DLG2: variants seen among roughly 807,000 people sequenced by gnomAD.
The protein encoded by DLG2 is discs large MAGUK scaffold protein 2, also known as disks large homolog 2.
In DLG2, 45 loss-of-function variants were observed where a neutral mutation model predicts 132.5. That is an observed-to-expected ratio of 0.34 (90% CI 0.27 to 0.44). The LOEUF (loss-of-function observed/expected upper bound fraction) is 0.44, where lower values mean the gene tolerates loss of function less well. Among genes scored for constraint, DLG2 ranks in the 20% least tolerant of loss-of-function variants. The probability of loss-of-function intolerance (pLI) is 1.00; values close to 1 mark genes in which losing one functional copy is unlikely to be tolerated. For missense variants in DLG2, 1,045 were observed against 1,196.9 expected, an observed-to-expected ratio of 0.87 and a Z score of 1.87; for synonymous variants, 424 against 419.6, an observed-to-expected ratio of 1.01 and a Z score of -0.13.
rs541313163 is a variant in DLG2 at position 84,015,665 on chromosome 11, T to C, written c.920-35023A>G. On this transcript the variant is annotated intron_variant, in intron 11 of 27. Transcript: ENST00000376104. ...GTTTTCTGTTCTTGTGTTAGTTTGCTGAAAATAATGGCCTCTAGCTCCATC... is the reference window on the plus strand; with the variant it reads ...GTTTTCTGTTCTTGTGTTAGTTTGCCGAAAATAATGGCCTCTAGCTCCATC... Among the ~76,000 whole-genome samples the C allele has an allele frequency of 6.6e-5, 10 of 152,272 alleles. No individual in the cohort carries two copies. The East Asian group carries it at 1.7e-3, about 27-fold the overall frequency.
At chr11:85,550,088 C>T (rs2076576150) in intron 3 of DLG2, among the ~76,000 whole-genome samples, 1 of 152,214 alleles carries the variant, frequency 6.6e-6, no homozygotes, top group South Asian at 2.1e-4. Context: ...TCATATTACT[C>T]TATGGATTTG....
At chr11:83,691,711 T>G (rs546963917) in intron 18 of DLG2, among the ~76,000 whole-genome samples, 1 of 152,336 alleles carries the variant, frequency 6.6e-6, no homozygotes, top group South Asian at 2.1e-4. Flanking sequence ...TTTGCTGTCC[T>G]GGAGAATATG....
intron 11 of DLG2, among the ~76,000 whole-genome samples, chr11:84,006,877 C>A (rs1347627697): frequency 2.6e-5 from 4 of 151,666 alleles, no homozygotes; most frequent in African/African-American, 7.2e-5. Flanking sequence ...CCAACACTGA[C>A]TGTTTGTCAT....
chr11:85,516,037 A>G (rs927774824), intron 3 of DLG2, among the ~76,000 whole-genome samples: 2 of 151,968 alleles, frequency 1.3e-5, no homozygotes, highest in African/African-American at 2.4e-5. Context: ...TCTATTTTCC[A>G]TTTACTTTTC....
At chr11:83,965,595 G>T in intron 12 of DLG2, 127 bp from the exon 13 acceptor site, 1 of 714,492 alleles carries the variant, frequency 1.4e-6, no homozygotes, top group Non-Finnish European at 2.3e-6. Context: ...CATAACAGAT[G>T]AATTAAATGC....
intron 6 of DLG2, among the ~76,000 whole-genome samples, chr11:84,899,963 G>A (rs2090690608): frequency 6.6e-6 from 1 of 152,024 alleles, no homozygotes; most frequent in Non-Finnish European, 1.5e-5. Context: ...TGGCCTGAAA[G>A]AGTTAATGCA....
At position 85,420,454 on chromosome 11, in the gene DLG2, T is replaced by C. The variant is rs140887969; in HGVS notation, c.41-135089A>G. On this transcript the variant is annotated intron_variant, in intron 3 of 27. Transcript: ENST00000376104. ...AGGCAGTCTGTCCCTTAGCAGAGCT[T>C]GAGTGTGCTGGGAGATCCACTGCTA... Among the ~76,000 whole-genome samples the C allele has an allele frequency of 3.0e-3, 464 of 152,196 alleles. 1 individual carries two copies. Among genetic ancestry groups the C allele is most frequent in the African/African-American group, 0.011 (447 of 41,546 alleles).
intron 6 of DLG2, among the ~76,000 whole-genome samples, chr11:84,543,652 A>G (rs1050257837): frequency 6.6e-6 from 1 of 152,156 alleles, no homozygotes; most frequent in Non-Finnish European, 1.5e-5. Context: ...AGCCAGATCT[A>G]TCTTCAAAAT....
At chr11:84,766,586 C>T (rs576054709) in intron 6 of DLG2, among the ~76,000 whole-genome samples, 3 of 152,100 alleles carry the variant, frequency 2.0e-5, no homozygotes, top group East Asian at 3.9e-4. Context: ...TAAACAAATA[C>T]GTGGATGAAG....
intron 6 of DLG2, among the ~76,000 whole-genome samples, chr11:84,882,781 T>C (rs902275348): frequency 6.6e-6 from 1 of 152,090 alleles, no homozygotes; most frequent in Admixed American, 6.6e-5. Flanking sequence ...AATTAAAGAA[T>C]CCTTGTATTC....
intron 6 of DLG2, among the ~76,000 whole-genome samples, chr11:85,100,861 G>A (rs1039551115): frequency 4.6e-5 from 7 of 152,214 alleles, no homozygotes; most frequent in East Asian, 1.9e-4. Flanking sequence ...GCTCATAAAC[G>A]TGAATCATCC....
chr11:83,501,931 C>T (rs10898128), intron 21 of DLG2, among the ~76,000 whole-genome samples: 53,733 of 151,904 alleles, frequency 0.35, 9,593 homozygotes, highest in Middle Eastern at 0.46. Context: ...GCTAGTTTTT[C>T]GTTTCATCTT....
chr11:84,518,868 G>A lies in DLG2; in HGVS notation c.519+15702C>T, dbSNP rs926986736. ...AGCTATGAAATACAGAATGACATTG[G>A]ATGCTGAAGTGAAAAATACCAACCA... On this transcript the variant is annotated intron_variant, in intron 7 of 27. Transcript: ENST00000376104. Among the ~76,000 whole-genome samples the A allele has an allele frequency of 5.3e-5, 8 of 152,238 alleles. No individual in the cohort carries two copies. In the South Asian group the frequency reaches 6.2e-4, roughly 12 times the overall value.
chr11:85,360,065 G>A (rs2084026420), intron 3 of DLG2, among the ~76,000 whole-genome samples: 1 of 152,120 alleles, frequency 6.6e-6, no homozygotes, highest in South Asian at 2.1e-4. Context: ...ATTACCCACA[G>A]GCATTATACA....
At chr11:84,420,762 G>A (rs1480011923) in intron 7 of DLG2, among the ~76,000 whole-genome samples, 6 of 135,210 alleles carry the variant, frequency 4.4e-5, no homozygotes, top group South Asian at 2.5e-4. Context: ...TCCGCCTCCC[G>A]GGTTCACGCC....
At chr11:83,503,659 C>A (rs2094562112) in intron 21 of DLG2, among the ~76,000 whole-genome samples, 2 of 151,824 alleles carry the variant, frequency 1.3e-5, no homozygotes, top group Non-Finnish European at 2.9e-5. Context: ...TCACATTTTT[C>A]TGTCTGCTTT....
At chr11:84,064,870 C>A (rs187690194) in intron 10 of DLG2, among the ~76,000 whole-genome samples, 1 of 152,162 alleles carries the variant, frequency 6.6e-6, no homozygotes, top group East Asian at 1.9e-4. Context: ...CAAAAACAGA[C>A]ACACAGACCA....
At chr11:83,867,480 T>C (rs1016263325) in intron 16 of DLG2, among the ~76,000 whole-genome samples, 3 of 152,186 alleles carry the variant, frequency 2.0e-5, no homozygotes, top group African/African-American at 7.2e-5. Context: ...TACAGTACTC[T>C]GTATTCTTCG....
chr11:84,748,191 C>T (rs2065633692), intron 6 of DLG2, among the ~76,000 whole-genome samples: 1 of 152,110 alleles, frequency 6.6e-6, no homozygotes, highest in Non-Finnish European at 1.5e-5. Context: ...TTTTCAGAGA[C>T]AAGGTGCATT....
Sources: gnomAD v4.1 joint callset for allele counts (sites outside exome capture counted in the v4.1 genomes callset) on GRCh38, gnomAD v4.1.1 for gene constraint, MANE v1.5 for transcripts, NCBI Gene and HGNC (gene_info 2026-07-23, HGNC 2026-07-21) for gene names.